The following CFAP20DC variants were observed in gnomAD, a reference collection of about 807,000 sequenced individuals.
CFAP20DC encodes CFAP20 domain containing.
CFAP20DC carries 84 observed loss-of-function variants against 101.7 expected under a neutral mutation model. That is an observed-to-expected ratio of 0.83 (90% CI 0.69 to 0.99). The LOEUF (loss-of-function observed/expected upper bound fraction) is 0.99, where lower values mean the gene tolerates loss of function less well. Ranked by LOEUF, CFAP20DC falls within the 50% of genes least tolerant of loss-of-function variation. The pLI, the probability that CFAP20DC is intolerant of heterozygous loss-of-function variation, is 0.00. For missense variants in CFAP20DC, 1,007 were observed against 970.3 expected (o/e 1.04, Z -0.50); for synonymous variants, 359 against 351.2 (o/e 1.02, Z -0.25).
intron 15 of CFAP20DC, among the ~76,000 whole-genome samples, chr3:58,801,688 A>T (rs1170407745): frequency 1.3e-5 from 2 of 152,038 alleles, no homozygotes; most frequent in East Asian, 3.9e-4. Flanking sequence ...TTACAACGAC[A>T]GGCCAGATTG....
At chr3:58,921,175 C>T (rs1195466505) in intron 5 of CFAP20DC, among the ~76,000 whole-genome samples, 3 of 151,888 alleles carry the variant, frequency 2.0e-5, no homozygotes, top group Non-Finnish European at 4.4e-5. Flanking sequence ...TGATTTATCA[C>T]TTTTATTAAT....
At chr3:58,991,972 T>C (rs1250045916) in intron 4 of CFAP20DC, among the ~76,000 whole-genome samples, 1 of 152,246 alleles carries the variant, frequency 6.6e-6, no homozygotes, top group Non-Finnish European at 1.5e-5. Flanking sequence ...ACATTATTAC[T>C]GCTGCTAAAC....
rs1041939171 is a variant in CFAP20DC, at chr3:58,765,504, A to C, written c.2238-11641T>G. On this transcript the variant is annotated intron_variant, in intron 15 of 16. Coordinates refer to ENST00000482387, the MANE Select transcript of CFAP20DC (RefSeq NM_001394063.1). ...AAAAAAAAAACCAAAAAAAAAAAAAAAAACAAACAGAAACACAAAACATGA... is the reference window on the plus strand; with the variant it reads ...AAAAAAAAAACCAAAAAAAAAAAAACAAACAAACAGAAACACAAAACATGA... Among the ~76,000 whole-genome samples the C allele has an allele frequency of 9.1e-3, 1,376 of 150,970 alleles. 29 individuals are homozygous for C. The highest frequency in any genetic ancestry group is 0.032 in the African/African-American group (1,304 of 41,096).
Position 58,793,300 on chromosome 3 carries a change from AT to A in CFAP20DC, c.2237+13094del, listed in dbSNP as rs545463659. 1.7e-3 allele frequency among the ~76,000 whole-genome samples: 257 copies of A among 152,228 alleles called. 1 individual carries two copies. The highest frequency in any genetic ancestry group is 5.5e-3 in the African/African-American group (229 of 41,570). On this transcript the variant is annotated intron_variant, in intron 15 of 16. Transcript: ENST00000482387. ...AGATTCATTCCTTTCCTAATACATA[AT>A]ATCTTCATTTACTGTATGCCTTGCT...
chr3:58,891,944 C>T (rs2082293365), intron 6 of CFAP20DC, among the ~76,000 whole-genome samples: 1 of 152,166 alleles, frequency 6.6e-6, no homozygotes, highest in East Asian at 1.9e-4. Flanking sequence ...CCCAGATTTT[C>T]TTCTAGGGTT....
intron 5 of CFAP20DC, among the ~76,000 whole-genome samples, chr3:58,930,481 C>A (rs558568829): frequency 7.9e-5 from 12 of 152,252 alleles, no homozygotes; most frequent in Admixed American, 7.8e-4. Flanking sequence ...TTAGACGGTA[C>A]ATGGGTGTGG....
At chr3:58,961,229 T>C (rs2091107929) in intron 4 of CFAP20DC, among the ~76,000 whole-genome samples, 1 of 152,228 alleles carries the variant, frequency 6.6e-6, no homozygotes, top group African/African-American at 2.4e-5. Context: ...TTGTCTTTGG[T>C]ATCAGGATAA....
chr3:58,908,663 A>T (rs1193681298), intron 6 of CFAP20DC, among the ~76,000 whole-genome samples: 1 of 152,220 alleles, frequency 6.6e-6, no homozygotes, highest in Non-Finnish European at 1.5e-5. Flanking sequence ...TATCCAAATG[A>T]GTTGAAAAGT....
chr3:59,023,320 G>A (rs959391607), intron 4 of CFAP20DC, among the ~76,000 whole-genome samples: 11 of 152,118 alleles, frequency 7.2e-5, no homozygotes, highest in African/African-American at 2.4e-4. Context: ...ATGACAAGAT[G>A]TAGTCCCTGC....
chr3:58,896,441 G>C (rs539085091), intron 6 of CFAP20DC, among the ~76,000 whole-genome samples: 1 of 151,902 alleles, frequency 6.6e-6, no homozygotes, highest in African/African-American at 2.4e-5. Flanking sequence ...GGGTTTGTTT[G>C]CTCTTGTTTC....
At chr3:58,805,787 C>G (rs911279522) in intron 15 of CFAP20DC, among the ~76,000 whole-genome samples, 1 of 152,116 alleles carries the variant, frequency 6.6e-6, no homozygotes, top group Admixed American at 6.5e-5. Flanking sequence ...AAATTCAGAT[C>G]CACTTGTTCC....
At chr3:58,943,153 G>A (rs2088863989) in intron 4 of CFAP20DC, among the ~76,000 whole-genome samples, 1 of 152,190 alleles carries the variant, frequency 6.6e-6, no homozygotes, top group Non-Finnish European at 1.5e-5. Flanking sequence ...TGCAGCTTCA[G>A]CAGACTTAAA....
chr3:58,843,144 C>T (rs1235913092), intron 13 of CFAP20DC, among the ~76,000 whole-genome samples: 6 of 152,152 alleles, frequency 3.9e-5, no homozygotes, highest in Non-Finnish European at 8.8e-5. Context: ...TCACCAGCAA[C>T]GGAATAAAGC....
chr3:58,977,931 A>G (rs1337510222), intron 4 of CFAP20DC, among the ~76,000 whole-genome samples: 12 of 152,154 alleles, frequency 7.9e-5, no homozygotes. Context: ...AGAAGAGGAG[A>G]GGAACCTGTC....
chr3:58,884,975 T>C (rs749988324), intron 6 of CFAP20DC, among the ~76,000 whole-genome samples: 2 of 152,130 alleles, frequency 1.3e-5, no homozygotes, highest in African/African-American at 2.4e-5. Context: ...AGAGCATGCA[T>C]TGGAAATATT....
intron 4 of CFAP20DC, among the ~76,000 whole-genome samples, chr3:59,023,812 A>G (rs1316551988): frequency 6.6e-6 from 1 of 152,188 alleles, no homozygotes; most frequent in Admixed American, 6.5e-5. Flanking sequence ...AAACTGCAAC[A>G]TCAGCTTTAT....
chr3:58,849,145 C>A lies in CFAP20DC; in HGVS notation c.1858G>T (p.Glu620Ter), dbSNP rs899466159. The A allele has an allele frequency of 1.0e-5, 16 of 1,535,902 alleles. No individual in the cohort carries two copies. Among genetic ancestry groups the A allele is most frequent in the African/African-American group, 1.4e-5 (1 of 72,976 alleles). ...AGATCCTTCGCTTTGATTACGGGCTCTGGAGTTTTCTGACAGGACCCACAC... is the reference window on the plus strand; with the variant it reads ...AGATCCTTCGCTTTGATTACGGGCTATGGAGTTTTCTGACAGGACCCACAC... ...RRCGSCQKTP[E>*]PVIKAKDLSA... The change falls in exon 13 of 17, where the codon GAG becomes TAG. Residue 620 changes from glutamate (E) to a stop codon, truncating the protein, a stop_gained. Transcript: ENST00000482387. LOFTEE classifies it high-confidence loss of function.
At position 58,880,234 on chromosome 3, in the gene CFAP20DC, T is replaced by A. The variant is rs541401151; in HGVS notation, c.715+4311A>T. 5.0e-4 allele frequency among the ~76,000 whole-genome samples: 76 copies of A among 152,290 alleles called. 1 individual carries two copies. The highest frequency in any genetic ancestry group is 1.8e-3 in the African/African-American group (74 of 41,584). On this transcript the variant is annotated intron_variant, in intron 7 of 16. Transcript: ENST00000482387. ...CTGTTTTCAAAGGTAATTATCAAGTTTCCTGTGTTTCCTTAAAAATTTTAT... is the reference window on the plus strand; with the variant it reads ...CTGTTTTCAAAGGTAATTATCAAGTATCCTGTGTTTCCTTAAAAATTTTAT...
intron 4 of CFAP20DC, among the ~76,000 whole-genome samples, chr3:59,029,962 C>A (rs1478847071): frequency 6.6e-6 from 1 of 152,170 alleles, no homozygotes; most frequent in East Asian, 1.9e-4. Context: ...GGTTATCAAG[C>A]CCCAACTACC....
Sources: allele counts gnomAD v4.1 joint callset (sites outside exome capture counted in the v4.1 genomes callset), GRCh38; gene constraint gnomAD v4.1.1; transcripts MANE v1.5; gene names NCBI Gene and HGNC (gene_info 2026-07-23, HGNC 2026-07-21).